The following BANP variants were observed in gnomAD, a reference collection of about 807,000 sequenced individuals.
BANP encodes protein BANP.
A neutral mutation model predicts 68.1 loss-of-function variants in BANP; 11 were observed. The observed-to-expected ratio is 0.16, with a 90% CI of 0.10 to 0.27. The LOEUF (loss-of-function observed/expected upper bound fraction) is 0.27, where lower values mean the gene tolerates loss of function less well. BANP is among the 10% of genes least tolerant of loss of function. BANP has a pLI of 1.00. For missense variants in BANP, 504 were observed against 722.7 expected, an observed-to-expected ratio of 0.70 and a Z score of 3.47; for synonymous variants, 329 against 303.2, an observed-to-expected ratio of 1.09 and a Z score of -0.88.
intron 13 of BANP, among the ~76,000 whole-genome samples, chr16:88,075,159 A>G (rs2091314825): frequency 6.6e-6 from 1 of 152,122 alleles, no homozygotes; most frequent in Non-Finnish European, 1.5e-5. Flanking sequence ...CAGCCTGCTC[A>G]ACCTGGTGAA....
intron 2 of BANP, among the ~76,000 whole-genome samples, chr16:87,976,190 C>G (rs1241180641): frequency 1.3e-5 from 2 of 152,214 alleles, no homozygotes; most frequent in African/African-American, 2.4e-5. Flanking sequence ...AGATAAGTTC[C>G]TAGAAGTAGA....
chr16:87,964,409 C>G (rs2059682438), intron 1 of BANP, among the ~76,000 whole-genome samples: 1 of 152,222 alleles, frequency 6.6e-6, no homozygotes, highest in Non-Finnish European at 1.5e-5. Flanking sequence ...GGAAAGGCTG[C>G]TGTGCACGTC....
intron 13 of BANP, among the ~76,000 whole-genome samples, chr16:88,073,908 A>G (rs1199282654): frequency 3.3e-5 from 5 of 152,240 alleles, no homozygotes; most frequent in Non-Finnish European, 7.3e-5. Context: ...CAGGTGAATG[A>G]TTTAATTAGG....
intron 4 of BANP, among the ~76,000 whole-genome samples, chr16:87,987,027 T>C (rs974360335): frequency 2.0e-5 from 3 of 152,254 alleles, no homozygotes; most frequent in African/African-American, 7.2e-5. Context: ...TAAAAGTATA[T>C]TCTATTTAAA....
intron 1 of BANP, among the ~76,000 whole-genome samples, chr16:87,954,268 G>A (rs909331164): frequency 2.0e-5 from 3 of 152,092 alleles, no homozygotes; most frequent in Admixed American, 6.5e-5. Context: ...TATTTGTCTT[G>A]TTTCTTTTTC....
At chr16:88,047,508 C>A (rs999825734) in intron 11 of BANP, among the ~76,000 whole-genome samples, 1 of 152,160 alleles carries the variant, frequency 6.6e-6, no homozygotes, top group Non-Finnish European at 1.5e-5. Flanking sequence ...GTTCTTTCAG[C>A]CCTCATTGGA....
At position 88,033,186 on chromosome 16, in the gene BANP, C is replaced by G. The variant is rs745496846; in HGVS notation, c.1141C>G (p.Leu381Val). Residue 381 changes from leucine (L) to valine (V), a missense_variant, in exon 9 of 14, where the codon CTG (leucine) becomes GTG (valine). Transcript: ENST00000682872. ...QPQPQALHYA[L>V]ANAQQVQIHQ... ...GCAGCCGCAGGCCCTGCACTACGCGCTGGCCAACGCACAGCAGGTGCAGAT... is the reference window on the plus strand; with the variant it reads ...GCAGCCGCAGGCCCTGCACTACGCGGTGGCCAACGCACAGCAGGTGCAGAT... 6.2e-7 allele frequency: 1 copy of G among 1,611,314 alleles called. No homozygotes were observed. The highest frequency in any genetic ancestry group is 8.5e-7 in the Non-Finnish European group (1 of 1,177,992).
chr16:88,034,558 G>A (rs1433589329), intron 9 of BANP, among the ~76,000 whole-genome samples: 1 of 151,530 alleles, frequency 6.6e-6, no homozygotes, highest in Admixed American at 6.6e-5. Context: ...AACGTTGCCT[G>A]CCCTGTTGTG....
At chr16:87,977,523 T>C (rs1373627905) in intron 2 of BANP, among the ~76,000 whole-genome samples, 2 of 152,186 alleles carry the variant, frequency 1.3e-5, no homozygotes, top group Non-Finnish European at 2.9e-5. Context: ...GCAGGTACCT[T>C]GATGTGTCAA....
intron 11 of BANP, among the ~76,000 whole-genome samples, chr16:88,044,925 T>A (rs1239892787): frequency 2.0e-5 from 3 of 152,204 alleles, no homozygotes; most frequent in African/African-American, 7.2e-5. Flanking sequence ...GAGCTTGCAT[T>A]GAGCTGAGAT....
chr16:88,057,765 G>T lies in BANP; in HGVS notation c.1312-7502G>T, dbSNP rs926088165. Among the ~76,000 whole-genome samples, 5 of 92,322 alleles carry T rather than the reference G, an allele frequency of 5.4e-5. No homozygotes were observed. The highest frequency in any genetic ancestry group is 3.7e-4 in the South Asian group (1 of 2,730). The allele number at this position is 92,322 out of a possible 152,430, so 60.6% of individuals were successfully genotyped here. ...CCATCTGGGTGGGGCGGGGGGGGGGGTGCGTGCAGTGACTCGCGCTGGCCC... is the reference window on the plus strand; with the variant it reads ...CCATCTGGGTGGGGCGGGGGGGGGGTTGCGTGCAGTGACTCGCGCTGGCCC... On this transcript the variant is annotated intron_variant, in intron 11 of 13. Transcript: ENST00000682872. The surrounding 1 kb of genome is among the most constrained non-coding windows in gnomAD (Gnocchi z 4.6).
chr16:88,011,630 TC>T (rs750959805), intron 6 of BANP, among the ~76,000 whole-genome samples: 7 of 152,134 alleles, frequency 4.6e-5, no homozygotes, highest in Non-Finnish European at 1.0e-4. Context: ...TAAACTGAGG[TC>T]TCTGTAATGT....
intron 7 of BANP, among the ~76,000 whole-genome samples, chr16:88,022,788 G>A (rs2076267019): frequency 1.3e-5 from 2 of 152,170 alleles, no homozygotes; most frequent in Non-Finnish European, 1.5e-5. Context: ...CCAGTCTCTG[G>A]CCGCATCCCC....
intron 11 of BANP, among the ~76,000 whole-genome samples, chr16:88,047,001 G>C (rs556630456): frequency 4.3e-4 from 66 of 152,088 alleles, no homozygotes; most frequent in African/African-American, 1.5e-3. Context: ...GGGAGGTGGA[G>C]CTTGCAGTGA....
At chr16:87,969,778 C>T (rs2060781814) in intron 1 of BANP, among the ~76,000 whole-genome samples, 1 of 152,170 alleles carries the variant, frequency 6.6e-6, no homozygotes, top group African/African-American at 2.4e-5. Flanking sequence ...TTGATCCACC[C>T]ACCTTAGCCT....
At chr16:87,953,959 T>A (rs1440163252) in intron 1 of BANP, among the ~76,000 whole-genome samples, 1 of 152,212 alleles carries the variant, frequency 6.6e-6, no homozygotes, top group Non-Finnish European at 1.5e-5. Context: ...CGCTCTTGGA[T>A]CTTCTCTTTG....
intron 1 of BANP, chr16:87,966,716 C>G (rs962791177): frequency 1.3e-4 from 20 of 152,166 alleles, no homozygotes; most frequent in Admixed American, 1.3e-3. Context: ...TCCACTGGCC[C>G]CTTAAGAGAG....
At chr16:87,968,651 A>G (rs11866786) in intron 1 of BANP, among the ~76,000 whole-genome samples, 97,011 of 151,942 alleles carry the variant, frequency 0.64, 31,349 homozygotes, top group Admixed American at 0.68. Flanking sequence ...GTTTAGTGTC[A>G]CCACATAAGT....
intron 1 of BANP, among the ~76,000 whole-genome samples, chr16:87,953,382 AT>A (rs1003338444): frequency 2.6e-5 from 4 of 151,576 alleles, no homozygotes; most frequent in African/African-American, 4.8e-5. Flanking sequence ...GATCCTTTTT[AT>A]TTTTTTCTTG....
Sources: gnomAD v4.1 joint callset for allele counts (sites outside exome capture counted in the v4.1 genomes callset) on GRCh38, gnomAD v4.1.1 for gene constraint, Gnocchi (gnomAD v3.1) non-coding constraint, MANE v1.5 for transcripts, NCBI Gene and HGNC (gene_info 2026-07-23, HGNC 2026-07-21) for gene names.